Variants in ADAMTS17 observed in about 807,000 individuals in gnomAD.
The protein encoded by ADAMTS17 is A disintegrin and metalloproteinase with thrombospondin motifs 17.
A neutral mutation model predicts 141.5 loss-of-function variants in ADAMTS17; 113 were observed. That is an observed-to-expected ratio of 0.80 (90% CI 0.69 to 0.93). ADAMTS17 has a LOEUF of 0.93. ADAMTS17 is among the 40% of genes least tolerant of loss of function. The pLI is 0.00. For synonymous variants in ADAMTS17, 768 were observed against 630.6 expected (o/e 1.22, Z -3.27); for missense variants, 1,659 against 1,517.9 (o/e 1.09, Z -1.54).
At chr15:100,309,847 C>A (rs755168154) in intron 3 of ADAMTS17, among the ~76,000 whole-genome samples, 2 of 152,188 alleles carry the variant, frequency 1.3e-5, no homozygotes, top group African/African-American at 4.8e-5. Context: ...CTGCTGCCCC[C>A]GACCACAGTA....
chr15:100,322,240 G>A (rs908124702), intron 3 of ADAMTS17, among the ~76,000 whole-genome samples: 6 of 152,194 alleles, frequency 3.9e-5, no homozygotes, highest in Non-Finnish European at 7.3e-5. Context: ...AGAACCAGAG[G>A]ACAGAGTGCA....
At chr15:100,074,759 A>G (rs543457060) in intron 15 of ADAMTS17, among the ~76,000 whole-genome samples, 4 of 152,238 alleles carry the variant, frequency 2.6e-5, no homozygotes, top group African/African-American at 9.6e-5. Context: ...ATGCTTCTAT[A>G]ATAACTTATC....
intron 15 of ADAMTS17, among the ~76,000 whole-genome samples, chr15:100,085,449 T>C (rs1288469831): frequency 2.0e-5 from 3 of 149,434 alleles, no homozygotes; most frequent in African/African-American, 7.6e-5. Flanking sequence ...ACTTCCCCAA[T>C]CTAGCAAGGC....
In ADAMTS17 at chr15:100,078,215, CT is replaced by C. The variant is rs201915809; in HGVS notation, c.2137+18140del. 3.0e-3 allele frequency among the ~76,000 whole-genome samples: 422 copies of C among 141,640 alleles called. 1 individual carries two copies. The highest frequency in any genetic ancestry group is 0.015 in the Middle Eastern group (4 of 274). The allele number at this position is 141,640 out of a possible 152,430, so 92.9% of individuals were successfully genotyped here. A position where few individuals can be genotyped will look rare whatever the true frequency, so the allele number is the denominator to read the frequency against. On this transcript the variant is annotated intron_variant, in intron 15 of 21. Transcript: ENST00000268070. ...CGTAATCCCTATAAAAAAATCCCAG[CT>C]TTTTTTTTTTTTTGCGAAAAATGAC...
chr15:100,112,714 G>T (rs899532527), intron 13 of ADAMTS17, among the ~76,000 whole-genome samples: 2 of 152,170 alleles, frequency 1.3e-5, no homozygotes, highest in Non-Finnish European at 2.9e-5. Flanking sequence ...CTGCATGGCT[G>T]GTGTGTGCTG....
rs938471364 is a variant in ADAMTS17, at chr15:100,341,929, C to A, written c.-30G>T. 6.5e-7 allele frequency: 1 copy of A among 1,548,412 alleles called. No individual in the cohort carries two copies. Among genetic ancestry groups the A allele is most frequent in the African/African-American group, 1.4e-5 (1 of 72,994 alleles). On this transcript the variant is annotated 5_prime_UTR_variant, in exon 1 of 22. Transcript: ENST00000268070. ...CCCGGGACCGGCAGCCCCCCCGGAC[C>A]GTGGCGGCGAAGCAGGAGCGCGCTA...
At chr15:100,324,650 A>T (rs935259383) in intron 3 of ADAMTS17, among the ~76,000 whole-genome samples, 2 of 152,204 alleles carry the variant, frequency 1.3e-5, no homozygotes, top group Non-Finnish European at 2.9e-5. Flanking sequence ...TCAAGAGGCA[A>T]GGATGGCAGA....
intron 12 of ADAMTS17, among the ~76,000 whole-genome samples, chr15:100,124,851 G>C (rs1434763754): frequency 1.3e-5 from 2 of 152,166 alleles, no homozygotes; most frequent in African/African-American, 4.8e-5. Context: ...TGCTGAAGTG[G>C]AGTCCTCAGG....
rs560061718 is a variant in ADAMTS17 at position 99,993,864 on chromosome 15, C to T, written c.2797-664G>A. ...TACTTGCAGGAGACCTGGCAAGGGG[C>T]AGTGGGGATGGGACCTGGGCAGGGC... is the stretch of plus-strand genomic sequence containing the variant. On this transcript the variant is annotated intron_variant, in intron 19 of 21. Coordinates refer to ENST00000268070, the MANE Select transcript of ADAMTS17 (RefSeq NM_139057.4). The surrounding 1 kb of genome is among the most constrained non-coding windows in gnomAD (Gnocchi z 4.3). 5.3e-5 allele frequency among the ~76,000 whole-genome samples: 8 copies of T among 152,234 alleles called. No individual in the cohort carries two copies. The East Asian group carries it at 1.5e-3, about 29-fold the overall frequency.
intron 7 of ADAMTS17, among the ~76,000 whole-genome samples, chr15:100,207,267 C>T (rs139071201): frequency 6.6e-6 from 1 of 152,186 alleles, no homozygotes; most frequent in South Asian, 2.1e-4. Context: ...AGTGAGAAGG[C>T]AGCTGTCGAC....
chr15:100,202,574 G>T (rs775203921), intron 7 of ADAMTS17, among the ~76,000 whole-genome samples: 6 of 152,160 alleles, frequency 3.9e-5, no homozygotes, highest in Non-Finnish European at 4.4e-5. Context: ...TAAGAGCTGT[G>T]GGGGGAGTAA....
At position 100,197,899 on chromosome 15, in the gene ADAMTS17, T is replaced by C. The variant is rs528169419; in HGVS notation, c.1181+1419A>G. On this transcript the variant is annotated intron_variant, in intron 8 of 21. Transcript: ENST00000268070. ...GGGACATGGATGAAGCTGGAAACCA[T>C]CATCCTCAGCAAACTAACCCAGGAA... is the stretch of plus-strand genomic sequence containing the variant. 1.3e-3 allele frequency among the ~76,000 whole-genome samples: 197 copies of C among 152,256 alleles called. 2 individuals are homozygous for C. Among genetic ancestry groups the C allele is most frequent in the Admixed American group, 3.5e-3 (53 of 15,298 alleles).
intron 15 of ADAMTS17, among the ~76,000 whole-genome samples, chr15:100,083,235 G>A (rs972879221): frequency 6.6e-5 from 10 of 152,158 alleles, no homozygotes. Flanking sequence ...TAAAGTCTCT[G>A]CCAGCCTAGT....
intron 14 of ADAMTS17, among the ~76,000 whole-genome samples, chr15:100,105,221 G>A (rs539723334): frequency 6.6e-6 from 1 of 152,352 alleles, no homozygotes; most frequent in South Asian, 2.1e-4. Context: ...CCCGGGAGAT[G>A]GTGCTTTCGA....
intron 8 of ADAMTS17, among the ~76,000 whole-genome samples, chr15:100,177,236 G>A (rs12719733): frequency 0.66 from 100,951 of 152,086 alleles, 34,177 homozygotes; most frequent in Non-Finnish European, 0.75. Context: ...TAGGAACTTA[G>A]CAATTATTCA....
chr15:100,159,211 A>G (rs1211972873), intron 8 of ADAMTS17, among the ~76,000 whole-genome samples: 1 of 152,224 alleles, frequency 6.6e-6, no homozygotes, highest in Non-Finnish European at 1.5e-5. Context: ...CAAGATATGA[A>G]CCCAACCTAA....
chr15:100,231,608 A>G (rs1250982750), intron 7 of ADAMTS17, among the ~76,000 whole-genome samples: 1 of 152,200 alleles, frequency 6.6e-6, no homozygotes, highest in Non-Finnish European at 1.5e-5. Flanking sequence ...CTTGGGATAA[A>G]AAGGCCTTCT....
intron 15 of ADAMTS17, among the ~76,000 whole-genome samples, chr15:100,073,337 T>C (rs933585442): frequency 3.3e-5 from 5 of 152,188 alleles, no homozygotes; most frequent in Non-Finnish European, 5.9e-5. Context: ...AGTTCAACCA[T>C]TGTGGAAGTC....
rs562179593 is a variant in ADAMTS17, at chr15:100,330,891, G to A, written c.614C>T (p.Thr205Ile). ...QRPEQLCKVL[T>I]EKKKPTWGRP... ...GTCATGCTGCTGCCCCGACTCACCT[G>A]TTAGAACCTTGCAGAGCTGCTCAGG... The change falls in exon 3 of 22, where the codon ACA becomes ATA. Residue 205 changes from threonine to isoleucine, a missense_variant and splice_region_variant. Thr to Ile is a moderately conservative substitution (Grantham distance 89, BLOSUM62 -1). Transcript: ENST00000268070. The A allele has an allele frequency of 1.9e-6, 3 of 1,614,160 alleles. No homozygotes were observed. In the East Asian group the frequency reaches 6.7e-5, roughly 36 times the overall value.
Sources: allele counts gnomAD v4.1 joint callset (sites outside exome capture counted in the v4.1 genomes callset), GRCh38; gene constraint gnomAD v4.1.1; non-coding constraint Gnocchi (gnomAD v3.1); transcripts MANE v1.5; gene names NCBI Gene and HGNC (gene_info 2026-07-23, HGNC 2026-07-21).